Variants in RYR3 observed in about 807,000 individuals in gnomAD.
The protein encoded by RYR3 is ryanodine receptor 3.
A neutral mutation model predicts 584.3 loss-of-function variants in RYR3; 207 were observed. The ratio of observed to expected loss-of-function variants is 0.35; its 90% CI spans 0.32 to 0.40. The LOEUF (loss-of-function observed/expected upper bound fraction) is 0.40, where lower values mean the gene tolerates loss of function less well. Ranked by LOEUF, RYR3 falls within the 10% of genes least tolerant of loss-of-function variation. RYR3 has a pLI of 1.00. For missense variants in RYR3, 5,616 were observed against 6,089.2 expected, an observed-to-expected ratio of 0.92 and a Z score of 2.59; for synonymous variants, 2,416 against 2,248.5, an observed-to-expected ratio of 1.07 and a Z score of -2.11.
chr15:33,428,193 G>A (rs763197010), intron 1 of RYR3, among the ~76,000 whole-genome samples: 12 of 152,138 alleles, frequency 7.9e-5, no homozygotes, highest in African/African-American at 9.7e-5. Context: ...TATAGATGGC[G>A]CACATTTCCT....
chr15:33,657,598 A>C (rs1466060447), intron 32 of RYR3, among the ~76,000 whole-genome samples: 1 of 152,220 alleles, frequency 6.6e-6, no homozygotes, highest in African/African-American at 2.4e-5. Flanking sequence ...ATGTCTCATC[A>C]CCATGAACTC....
At chr15:33,806,920 AT>A (rs35069939) in intron 69 of RYR3, among the ~76,000 whole-genome samples, 154 of 141,350 alleles carry the variant, frequency 1.1e-3, no homozygotes, top group South Asian at 2.9e-3. Flanking sequence ...ACCCAGCTGA[AT>A]TTTTTTTTTT....
chr15:33,763,899 A>C lies in RYR3; in HGVS notation c.8706-4759A>C, dbSNP rs1225359291. Among the ~76,000 whole-genome samples the C allele has an allele frequency of 6.3e-3, 826 of 131,480 alleles. 18 individuals carry two copies. The highest frequency in any genetic ancestry group is 0.023 in the African/African-American group (745 of 32,210). The allele number at this position is 131,480 out of a possible 152,430, so 86.3% of individuals were successfully genotyped here. A position where few individuals can be genotyped will look rare whatever the true frequency, so the allele number is the denominator to read the frequency against. On this transcript the variant is annotated intron_variant, in intron 60 of 103. Coordinates refer to ENST00000634891, the MANE Select transcript of RYR3 (RefSeq NM_001036.6). ...CAGAGCGAGACTTCATCTCAAAAAA[A>C]AAAAAAAAAAAAAAAAATCAGGAAA... is the stretch of plus-strand genomic sequence containing the variant.
At position 33,788,311 on chromosome 15, in the gene RYR3, A is replaced by G. The variant is rs1463151025; in HGVS notation, c.9683A>G (p.Lys3228Arg). 6.2e-7 allele frequency: 1 copy of G among 1,614,004 alleles called. No individual in the cohort carries two copies. The change falls in exon 67 of 104, where the codon AAG (lysine) becomes AGG (arginine). Residue 3228 changes from lysine to arginine, a missense_variant. Lys to Arg is a conservative substitution (Grantham distance 26). This residue lies in a region of RYR3 where 954 missense variants were observed against 1,132.2 expected (regional missense o/e 0.84). Transcript: ENST00000634891. The part of the protein sequence containing the change: ...TLEKLKKKAV[K>R]TVQEEEQLKA... ...GAGAAGCTGAAGAAAAAGGCTGTCAAGACGGTGCAGGAGGAGGAGCAGTTG... is the reference window on the plus strand; with the variant it reads ...GAGAAGCTGAAGAAAAAGGCTGTCAGGACGGTGCAGGAGGAGGAGCAGTTG...
chr15:33,601,550 C>T lies in RYR3; in HGVS notation c.1920C>T (p.Thr640=). Residue 640 remains threonine, a splice_region_variant and synonymous_variant, in exon 17 of 104, where the codon ACC becomes ACT. Transcript: ENST00000634891. ...AGACACGACTGATTAACGATGTAAC[C>T]AGGTAAGGCCACCACCACCATTCCA... is the stretch of plus-strand genomic sequence containing the variant. ...LLQTRLINDV[T]SIRPNIFLGV... is the part of the protein sequence containing the mutation. 6.2e-7 allele frequency: 1 copy of T among 1,613,738 alleles called. No homozygotes were observed. The highest frequency in any genetic ancestry group is 8.5e-7 in the Non-Finnish European group (1 of 1,179,766).
rs143782946 is a variant in RYR3, at chr15:33,820,559, A to G, written c.10759-197A>G. 7.7e-4 allele frequency among the ~76,000 whole-genome samples: 117 copies of G among 152,306 alleles called. 1 individual carries two copies. The highest frequency in any genetic ancestry group is 1.2e-3 in the Non-Finnish European group (81 of 68,022). ...TTCTCATTTCTCATTTCTGAACTCT[A>G]TGGTAACTGCGAAGATGGCATTTAC... On this transcript the variant is annotated intron_variant, in intron 77 of 103. Transcript: ENST00000634891.
chr15:33,575,170 A>G (rs2058232783), intron 12 of RYR3, among the ~76,000 whole-genome samples: 2 of 145,936 alleles, frequency 1.4e-5, no homozygotes, highest in African/African-American at 5.6e-5. Flanking sequence ...ACTCCCACAC[A>G]ATAATAGTGG....
chr15:33,598,634 A>G (rs1228344018), intron 16 of RYR3, among the ~76,000 whole-genome samples: 1 of 85,966 alleles, frequency 1.2e-5, no homozygotes, highest in Non-Finnish European at 2.7e-5. Context: ...GAAGCAGGAC[A>G]AAAAAAAAAA....
chr15:33,708,940 C>A (rs148556711), intron 43 of RYR3, among the ~76,000 whole-genome samples: 1 of 144,398 alleles, frequency 6.9e-6, no homozygotes, highest in South Asian at 2.1e-4. Flanking sequence ...GTGAGTGCTT[C>A]GGCGGGAGTC....
At chr15:33,731,722 C>T in intron 48 of RYR3, 28 bp downstream of exon 48, 2 of 1,427,718 alleles carry the variant, frequency 1.4e-6, no homozygotes, top group Non-Finnish European at 2.0e-6. Context: ...GTTGTTACTT[C>T]TGTGTATGCA....
At position 33,844,875 on chromosome 15, in the gene RYR3, C is replaced by G; in HGVS notation, c.13310C>G (p.Pro4437Arg). The G allele has an allele frequency of 6.2e-7, 1 of 1,610,240 alleles. No individual in the cohort carries two copies. Among genetic ancestry groups the G allele is most frequent in the Non-Finnish European group, 8.5e-7 (1 of 1,177,520 alleles). Residue 4437 changes from proline to arginine, a missense_variant, in exon 93 of 104, where the codon CCT becomes CGT. By Grantham distance (103) the Pro-to-Arg change is moderately radical (BLOSUM62 -2). Coordinates refer to ENST00000634891, the MANE Select transcript of RYR3 (RefSeq NM_001036.6). ...ATTTTGAGCCAGGTCACTGAAGAAC[C>G]TTTAGAAGAAGAGACAGAGGATGTT... is the stretch of plus-strand genomic sequence containing the variant. Reference protein sequence around the residue: ...ILLFYKVTEEPLEEETEDVAN... With the variant: ...ILLFYKVTEERLEEETEDVAN...
chr15:33,731,812 C>T (rs948871657), intron 48 of RYR3, 118 bp downstream of exon 48: 14 of 703,530 alleles, frequency 2.0e-5, no homozygotes, highest in Admixed American at 4.2e-5. Flanking sequence ...TTGTCATACA[C>T]CAGCCCTCCC....
intron 42 of RYR3, among the ~76,000 whole-genome samples, chr15:33,702,051 T>C (rs1372065241): frequency 6.6e-6 from 1 of 152,186 alleles, no homozygotes; most frequent in East Asian, 1.9e-4. Context: ...TGAACTCACG[T>C]GACCCTCAGA....
At chr15:33,382,578 T>C (rs946489114) in intron 1 of RYR3, among the ~76,000 whole-genome samples, 4 of 152,194 alleles carry the variant, frequency 2.6e-5, no homozygotes, top group South Asian at 2.1e-4. Context: ...CTGCTTAGCC[T>C]CCTAAAGTGC....
In RYR3 at chr15:33,692,899, T is replaced by C. The variant is rs80249161; in HGVS notation, c.5861-3319T>C. ...TCCTGAATTAATCTGAAAGCCAGGT[T>C]AAAGGAAACTCATATGTACTTGGTT... On this transcript the variant is annotated intron_variant, in intron 38 of 103. Transcript: ENST00000634891. 2.7e-3 allele frequency among the ~76,000 whole-genome samples: 418 copies of C among 152,282 alleles called. 2 individuals are homozygous for C. The highest frequency in any genetic ancestry group is 4.7e-3 in the Admixed American group (72 of 15,298).
intron 57 of RYR3, among the ~76,000 whole-genome samples, chr15:33,752,096 T>G (rs2071369596): frequency 6.6e-6 from 1 of 152,224 alleles, no homozygotes; most frequent in Non-Finnish European, 1.5e-5. Flanking sequence ...TATATCTCTG[T>G]TTTGGTACCA....
intron 12 of RYR3, among the ~76,000 whole-genome samples, chr15:33,575,087 A>G (rs977750121): frequency 3.9e-5 from 6 of 152,160 alleles, no homozygotes; most frequent in Non-Finnish European, 5.9e-5. Flanking sequence ...AACTATCCTA[A>G]ATATATGTGT....
chr15:33,352,801 T>TAA (rs1973456301), intron 1 of RYR3, among the ~76,000 whole-genome samples: 1 of 152,220 alleles, frequency 6.6e-6, no homozygotes, highest in Non-Finnish European at 1.5e-5. Context: ...TGTTTACTCA[T>TAA]GGTGGTCATT....
intron 10 of RYR3, among the ~76,000 whole-genome samples, chr15:33,551,551 G>GT (rs1329524653): frequency 2.0e-5 from 3 of 152,074 alleles, no homozygotes; most frequent in African/African-American, 7.2e-5. Flanking sequence ...TTGGCATGTA[G>GT]TTTTTTCTCT....
Sources: gnomAD v4.1 joint callset for allele counts (sites outside exome capture counted in the v4.1 genomes callset) on GRCh38, gnomAD v4.1.1 for gene constraint, gnomAD v4.1.1 regional missense constraint, MANE v1.5 for transcripts, NCBI Gene and HGNC (gene_info 2026-07-23, HGNC 2026-07-21) for gene names.